Variants in HMCN2 observed in about 807,000 individuals in gnomAD.
HMCN2 encodes hemicentin 2, also known as hemicentin-2.
A neutral mutation model predicts 377.5 loss-of-function variants in HMCN2; 325 were observed. The observed-to-expected ratio is 0.86, with a 90% confidence interval of 0.79 to 0.94. The LOEUF (loss-of-function observed/expected upper bound fraction) is 0.94, where lower values mean the gene tolerates loss of function less well. HMCN2 is among the 40% of genes least tolerant of loss of function. The pLI is 0.00. For missense variants in HMCN2, 4,543 were observed against 4,725.3 expected, an observed-to-expected ratio of 0.96 and a Z score of 1.13; for synonymous variants, 2,007 against 2,046.8, an observed-to-expected ratio of 0.98 and a Z score of 0.53.
chr9:130,384,847 ACCCCTCAGCCCATACTCCC>A, intron 59 of HMCN2, 49 bp downstream of exon 59: 4 of 1,180,736 alleles, frequency 3.4e-6, no homozygotes, highest in Non-Finnish European at 4.5e-6. Context: ...TCCTTCAGTC[ACCCCTCAGCCCATACTCCC>A]CCAGAGAACA....
chr9:130,336,731 G>A lies in HMCN2; in HGVS notation c.3360-1163G>A, dbSNP rs1050896023. On this transcript the variant is annotated intron_variant, in intron 22 of 97. Coordinates refer to ENST00000683500, the MANE Select transcript of HMCN2 (RefSeq NM_001291815.2). ...AAAGGGGGTGTCATTGCACTACTCT[G>A]CAGATGGGGAGACAGAGTTCTCAGC... is the stretch of plus-strand genomic sequence containing the variant. Among the ~76,000 whole-genome samples the A allele has an allele frequency of 7.9e-5, 12 of 152,328 alleles. No homozygotes were observed. The South Asian group carries it at 1.0e-3, about 13-fold the overall frequency.
At chr9:130,348,264 G>A (rs1194914034) in intron 26 of HMCN2, among the ~76,000 whole-genome samples, 1 of 152,254 alleles carries the variant, frequency 6.6e-6, no homozygotes, top group Non-Finnish European at 1.5e-5. Context: ...CAGGTTGGGT[G>A]TAGAACCAGA....
chr9:130,431,064 A>C, intron 95 of HMCN2: 1 of 502,296 alleles, frequency 2.0e-6, no homozygotes, highest in South Asian at 2.6e-5. Flanking sequence ...GACAAAGAGG[A>C]GGTGGCCTGC....
At chr9:130,343,934 G>A (rs1455141297) in intron 25 of HMCN2, among the ~76,000 whole-genome samples, 1 of 152,216 alleles carries the variant, frequency 6.6e-6, no homozygotes, top group Non-Finnish European at 1.5e-5. Flanking sequence ...CGTGGGGTGG[G>A]GTGGGGCGTG....
chr9:130,313,768 T>A lies in HMCN2; in HGVS notation c.2350+3707T>A, dbSNP rs1361833964. ...CTTCATTCCTCTCTAAATGAATGTG[T>A]GTCCTCTTTTTTTTTTTTTTTTTTT... On this transcript the variant is annotated intron_variant, in intron 15 of 97. Transcript: ENST00000683500. Among the ~76,000 whole-genome samples, 7 of 145,074 alleles carry A rather than the reference T, an allele frequency of 4.8e-5. No individual in the cohort carries two copies. In the Admixed American group the frequency reaches 5.1e-4, roughly 11 times the overall value.
At chr9:130,409,391 C>A (rs1843291958) in intron 84 of HMCN2, among the ~76,000 whole-genome samples, 1 of 152,198 alleles carries the variant, frequency 6.6e-6, no homozygotes, top group African/African-American at 2.4e-5. Flanking sequence ...AGGCCCCGTG[C>A]TGTTTCCAAA....
At chr9:130,280,111 G>T (rs1485094407) in intron 1 of HMCN2, among the ~76,000 whole-genome samples, 2 of 151,476 alleles carry the variant, frequency 1.3e-5, no homozygotes, top group African/African-American at 4.8e-5. Flanking sequence ...CTGACACTTG[G>T]ATTTAGGACT....
intron 76 of HMCN2, 117 bp from the exon 77 acceptor site, chr9:130,400,666 C>A (rs1442308895): frequency 6.4e-6 from 4 of 624,006 alleles, no homozygotes; most frequent in Non-Finnish European, 8.8e-6. Flanking sequence ...GTTGCCACCT[C>A]CCTCCTTGGC....
At chr9:130,310,480 G>A (rs1315042094) in intron 15 of HMCN2, among the ~76,000 whole-genome samples, 2 of 152,102 alleles carry the variant, frequency 1.3e-5, no homozygotes, top group African/African-American at 4.8e-5. Context: ...GAAAGAGAGA[G>A]AGAGACAATC....
At chr9:130,375,474 G>A in intron 49 of HMCN2, 89 bp from the exon 50 acceptor site, 2 of 720,026 alleles carry the variant, frequency 2.8e-6, no homozygotes, top group Non-Finnish European at 3.4e-6. Flanking sequence ...AAGTACCGAG[G>A]CCAAGCACCG....
rs1844525545 is a variant in HMCN2, at chr9:130,428,464, G to A, written c.14172G>A (p.Arg4724=). ...TCCCCGACTGTGGGCCTGGCTTCCG[G>A]GTGGCTGATGGGGCCGGCTGTGAAG... ...RCLPDCGPGF[R]VADGAGCEDV... Residue 4724 remains arginine (R), a synonymous_variant, in exon 93 of 98, where the codon CGG becomes CGA. Transcript: ENST00000683500. The surrounding 1 kb of genome is among the most constrained non-coding windows in gnomAD (Gnocchi z 5.0). The A allele has an allele frequency of 6.5e-7, 1 of 1,543,126 alleles. No individual in the cohort carries two copies. Among genetic ancestry groups the A allele is most frequent in the South Asian group, 1.2e-5 (1 of 84,054 alleles).
At position 130,351,692 on chromosome 9, in the gene HMCN2, T is replaced by C; in HGVS notation, c.4585+115T>C. On this transcript the variant is annotated intron_variant, in intron 30 of 97. Coordinates refer to ENST00000683500, the MANE Select transcript of HMCN2 (RefSeq NM_001291815.2). The surrounding 1 kb of genome is among the most constrained non-coding windows in gnomAD (Gnocchi z 5.4). ...CTGAAATGGGGGACCTGGTGAGTGA[T>C]CCCTGAGTCCAAGAAAGCTGGGGGC... The C allele has an allele frequency of 3.9e-6, 3 of 768,368 alleles. No homozygotes were observed. The highest frequency in any genetic ancestry group is 5.4e-6 in the Non-Finnish European group (3 of 556,284). The allele number at this position is 768,368 out of a possible 1,614,324, so 47.6% of individuals were successfully genotyped here.
chr9:130,395,302 G>A lies in HMCN2; in HGVS notation c.10866G>A (p.Glu3622=), dbSNP rs1231232317. Residue 3622 remains glutamate (E), a synonymous_variant, in exon 71 of 98, where the codon GAG becomes GAA. Coordinates refer to ENST00000683500, the MANE Select transcript of HMCN2 (RefSeq NM_001291815.2). Reference sequence around the variant, plus strand: ...TCCTGGAGTGTTCGGTGGAGGCAGAGCCAGCGCCCAAGATCACGTGGCACC... The same window carrying A: ...TCCTGGAGTGTTCGGTGGAGGCAGAACCAGCGCCCAAGATCACGTGGCACC... ...QLVLECSVEA[E]PAPKITWHRD... 7.8e-7 allele frequency: 1 copy of A among 1,289,562 alleles called. No individual in the cohort carries two copies. Among genetic ancestry groups the A allele is most frequent in the East Asian group, 5.6e-5 (1 of 18,010 alleles). The allele number at this position is 1,289,562 out of a possible 1,614,324, so 79.9% of individuals were successfully genotyped here. A position where few individuals can be genotyped will look rare whatever the true frequency, so the allele number is the denominator to read the frequency against.
chr9:130,298,999 C>G (rs1355772848), intron 7 of HMCN2, 26 bp from the exon 8 acceptor site: 2 of 459,312 alleles, frequency 4.4e-6, no homozygotes, highest in Non-Finnish European at 9.1e-6. Flanking sequence ...GACGCCAGCA[C>G]TTTGTTCTTC....
At chr9:130,272,719 TG>T (rs1554921620) in intron 1 of HMCN2, among the ~76,000 whole-genome samples, 1 of 152,086 alleles carries the variant, frequency 6.6e-6, no homozygotes. Flanking sequence ...GGCTAATTTT[TG>T]TGTGTGTATA....
rs771055642 is a variant in HMCN2 at position 130,431,433 on chromosome 9, A to G, written c.14714A>G (p.Gln4905Arg). The change falls in exon 96 of 98, where the codon CAG becomes CGG. Residue 4905 changes from glutamine to arginine, a missense_variant. Gln to Arg is a conservative substitution (Grantham distance 43, BLOSUM62 1). Transcript: ENST00000683500. ...TGCCGCAACACTGAGGGCAGCTACC[A>G]GTGCCTGTGCCCCGCCGGCTACCGT... is the stretch of plus-strand genomic sequence containing the variant. ...HACRNTEGSY[Q>R]CLCPAGYRLL... The G allele has an allele frequency of 2.6e-5, 40 of 1,550,260 alleles. 4 individuals are homozygous for G. In the South Asian group the frequency reaches 4.5e-4, roughly 18 times the overall value.
Position 130,383,495 on chromosome 9 carries a change from C to G in HMCN2, c.8734-9C>G, listed in dbSNP as rs2131641315. ...GGTATCTCCCAGGCATGGCTCCCTGCACCCACAGGTTTCCACGGCAGAGGT... is the reference window on the plus strand; with the variant it reads ...GGTATCTCCCAGGCATGGCTCCCTGGACCCACAGGTTTCCACGGCAGAGGT... On this transcript the variant is annotated splice_polypyrimidine_tract_variant and intron_variant, in intron 56 of 97. Coordinates refer to ENST00000683500, the MANE Select transcript of HMCN2 (RefSeq NM_001291815.2). 1.0e-6 allele frequency: 1 copy of G among 985,394 alleles called. No homozygotes were observed. 61.0% of individuals were successfully genotyped at this position (985,394 alleles called of 1,614,324 possible). A position where few individuals can be genotyped will look rare whatever the true frequency, so the allele number is the denominator to read the frequency against.
chr9:130,273,607 C>G (rs1018639689), intron 1 of HMCN2, among the ~76,000 whole-genome samples: 1 of 152,140 alleles, frequency 6.6e-6, no homozygotes, highest in Admixed American at 6.5e-5. Flanking sequence ...AAGCGATTCT[C>G]TCACCTCAGC....
chr9:130,283,773 A>G (rs1359063891), intron 1 of HMCN2, among the ~76,000 whole-genome samples: 1 of 151,794 alleles, frequency 6.6e-6, no homozygotes, highest in East Asian at 1.9e-4. Flanking sequence ...GCTGAGGACA[A>G]CCTGGTTCTG....
Sources: gnomAD v4.1 joint callset for allele counts (sites outside exome capture counted in the v4.1 genomes callset) on GRCh38, gnomAD v4.1.1 for gene constraint, Gnocchi (gnomAD v3.1) non-coding constraint, MANE v1.5 for transcripts, NCBI Gene and HGNC (gene_info 2026-07-23, HGNC 2026-07-21) for gene names.